Variants in ADGRV1 observed in about 807,000 individuals in gnomAD.
The protein encoded by ADGRV1 is G-protein coupled receptor 98.
Under a neutral mutation model 596.2 loss-of-function variants are expected in ADGRV1, and 359 were observed. The ratio of observed to expected loss-of-function variants is 0.60; its 90% CI spans 0.55 to 0.66. The LOEUF (loss-of-function observed/expected upper bound fraction) is 0.66, where lower values mean the gene tolerates loss of function less well. Among genes scored for constraint, ADGRV1 ranks in the 30% least tolerant of loss-of-function variants. ADGRV1 has a pLI of 0.00. For missense variants in ADGRV1, 7,274 were observed against 7,575.6 expected (o/e 0.96, Z 1.48); for synonymous variants, 2,681 against 2,679.2 (o/e 1.00, Z -0.02).
At chr5:91,122,753 T>C (rs575950128) in intron 87 of ADGRV1, among the ~76,000 whole-genome samples, 8 of 152,362 alleles carry the variant, frequency 5.3e-5, no homozygotes, top group East Asian at 1.9e-4. Flanking sequence ...AGTTTATCTT[T>C]AGTAGCTCTG....
At chr5:91,153,932 C>T (rs1796261985) in intron 89 of ADGRV1, among the ~76,000 whole-genome samples, 2 of 152,122 alleles carry the variant, frequency 1.3e-5, no homozygotes, top group South Asian at 4.1e-4. Context: ...CCAAGAGGTC[C>T]CAACTCATCA....
chr5:91,022,172 A>C (rs564035237), intron 85 of ADGRV1, among the ~76,000 whole-genome samples: 1 of 152,122 alleles, frequency 6.6e-6, no homozygotes, highest in Non-Finnish European at 1.5e-5. Context: ...AAAATAGCAT[A>C]ATCATTATCT....
intron 82 of ADGRV1, among the ~76,000 whole-genome samples, chr5:90,858,515 T>G (rs1012913851): frequency 4.0e-5 from 6 of 151,778 alleles, no homozygotes; most frequent in Non-Finnish European, 7.4e-5. Flanking sequence ...ACTTGGCAAA[T>G]TTTTGTATTT....
intron 9 of ADGRV1, chr5:90,630,382 G>A (rs1765350719): frequency 6.6e-6 from 1 of 152,126 alleles, no homozygotes. Context: ...ACCTTCAACT[G>A]TTTAGTAAAG....
intron 52 of ADGRV1, among the ~76,000 whole-genome samples, chr5:90,747,001 G>A (rs1754697058): frequency 6.6e-6 from 1 of 152,188 alleles, no homozygotes; most frequent in African/African-American, 2.4e-5. Flanking sequence ...TACTATATCT[G>A]ATGGTGATGA....
At chr5:90,721,575 AT>A (rs1282454635) in intron 45 of ADGRV1, among the ~76,000 whole-genome samples, 3 of 139,268 alleles carry the variant, frequency 2.2e-5, no homozygotes, top group African/African-American at 8.2e-5. Context: ...ATAAAATAAA[AT>A]AAAATAAAAT....
Position 90,629,546 on chromosome 5 carries a change from G to A in ADGRV1, c.1839+7G>A, listed in dbSNP as rs142011700. ...AGCTCACTTTCTAGTACAGGTACTTGTATGATTAAAATAATCGTAATTTTG... is the reference window on the plus strand; with the variant it reads ...AGCTCACTTTCTAGTACAGGTACTTATATGATTAAAATAATCGTAATTTTG... On this transcript the variant is annotated splice_region_variant and intron_variant, in intron 9 of 89. Transcript: ENST00000405460. The A allele has an allele frequency of 1.8e-3, 2,851 of 1,575,870 alleles. 40 individuals are homozygous for A. The African/African-American group carries it at 0.03, about 17-fold the overall frequency.
intron 83 of ADGRV1, among the ~76,000 whole-genome samples, chr5:90,911,131 T>A (rs978505449): frequency 1.3e-5 from 2 of 152,210 alleles, no homozygotes; most frequent in Admixed American, 6.5e-5. Flanking sequence ...CAGAGAACCA[T>A]AACATCTGAA....
chr5:90,970,086 C>T (rs138007459), intron 84 of ADGRV1, among the ~76,000 whole-genome samples: 1 of 152,240 alleles, frequency 6.6e-6, no homozygotes, highest in African/African-American at 2.4e-5. Flanking sequence ...TATCCCGTGC[C>T]TGGCTCGGAG....
At chr5:90,814,706 G>A (rs1762742147) in intron 74 of ADGRV1, among the ~76,000 whole-genome samples, 1 of 152,134 alleles carries the variant, frequency 6.6e-6, no homozygotes, top group Non-Finnish European at 1.5e-5. Flanking sequence ...CCCCAGACAT[G>A]CAAAACTGTG....
chr5:90,811,437 C>G, intron 74 of ADGRV1, 99 bp downstream of exon 74: 3 of 1,151,272 alleles, frequency 2.6e-6, no homozygotes, highest in Non-Finnish European at 3.6e-6. Context: ...AGGTGAAGTT[C>G]TTAAGTTATT....
In ADGRV1 at chr5:90,683,654, T is replaced by C; in HGVS notation, c.5733T>C (p.Gly1911=). 6.2e-7 allele frequency: 1 copy of C among 1,613,384 alleles called. No homozygotes were observed. The highest frequency in any genetic ancestry group is 1.1e-5 in the South Asian group (1 of 91,064). ...GGAACATAGACTCTGATCCTGATGG[T>C]GATCTCGCCTTCACCTCTGGCAACA... ...LHWNIDSDPD[G]DLAFTSGNIT... The change falls in exon 28 of 90, where the codon GGT becomes GGC. Residue 1911 remains glycine (G), a synonymous_variant. Coordinates refer to ENST00000405460, the MANE Select transcript of ADGRV1 (RefSeq NM_032119.4).
chr5:90,884,878 C>T (rs1324698379), intron 83 of ADGRV1, among the ~76,000 whole-genome samples: 2 of 152,144 alleles, frequency 1.3e-5, no homozygotes, highest in Non-Finnish European at 2.9e-5. Flanking sequence ...AATACCCTAA[C>T]TGATAATTTC....
chr5:90,932,452 T>C (rs754065073), intron 83 of ADGRV1, among the ~76,000 whole-genome samples: 1 of 152,162 alleles, frequency 6.6e-6, no homozygotes, highest in Non-Finnish European at 1.5e-5. Context: ...TTTTTTGTTG[T>C]TGTTTAAAAC....
At chr5:90,612,866 C>T (rs933472136) in intron 1 of ADGRV1, among the ~76,000 whole-genome samples, 1 of 152,016 alleles carries the variant, frequency 6.6e-6, no homozygotes, top group Non-Finnish European at 1.5e-5. Flanking sequence ...TAACACGATT[C>T]CTCACACTCT....
Position 90,937,602 on chromosome 5 carries a change from C to T in ADGRV1, c.17857-27813C>T, listed in dbSNP as rs530793534. 1.6e-3 allele frequency among the ~76,000 whole-genome samples: 251 copies of T among 152,136 alleles called. 5 individuals carry two copies. The highest frequency in any genetic ancestry group is 1.3e-4 in the Non-Finnish European group (9 of 68,000). Reference sequence around the variant, plus strand: ...CCTCCCAAGTAGCTGGGACTACAGGCACCCACCACCACGCCCAGCTAATTT... The same window carrying T: ...CCTCCCAAGTAGCTGGGACTACAGGTACCCACCACCACGCCCAGCTAATTT... On this transcript the variant is annotated intron_variant, in intron 83 of 89. Transcript: ENST00000405460.
intron 86 of ADGRV1, among the ~76,000 whole-genome samples, chr5:91,099,629 G>A (rs1791191126): frequency 6.6e-6 from 1 of 152,196 alleles, no homozygotes; most frequent in African/African-American, 2.4e-5. Context: ...GCAATAGCGG[G>A]GTGCGGTGGC....
intron 34 of ADGRV1, among the ~76,000 whole-genome samples, chr5:90,699,673 C>T (rs988279744): frequency 1.8e-4 from 27 of 152,112 alleles, no homozygotes; most frequent in African/African-American, 6.0e-4. Context: ...GATGGTGGTG[C>T]TAGTGGTGAG....
In ADGRV1 at chr5:90,976,214, GTGTA is replaced by G. The variant is rs970447754; in HGVS notation, c.17974-9128_17974-9125del. On this transcript the variant is annotated intron_variant, in intron 84 of 89. Coordinates refer to ENST00000405460, the MANE Select transcript of ADGRV1 (RefSeq NM_032119.4). ...CAGACATGTGTTCTTGTGTGTGAGT[GTGTA>G]TATATATATATATATACACAATGTA... Among the ~76,000 whole-genome samples, 221 of 140,906 alleles carry G rather than the reference GTGTA, an allele frequency of 1.6e-3. 1 individual carries two copies. Among genetic ancestry groups the G allele is most frequent in the African/African-American group, 6.2e-3 (216 of 35,116 alleles). 92.4% of individuals were successfully genotyped at this position (140,906 alleles called of 152,430 possible).
Sources: allele counts gnomAD v4.1 joint callset (sites outside exome capture counted in the v4.1 genomes callset), GRCh38; gene constraint gnomAD v4.1.1; transcripts MANE v1.5; gene names NCBI Gene and HGNC (gene_info 2026-07-23, HGNC 2026-07-21).